Variants in PTPRM observed in about 807,000 individuals in gnomAD.
The protein encoded by PTPRM is receptor-type tyrosine-protein phosphatase mu.
Under a neutral mutation model 186.7 loss-of-function variants are expected in PTPRM, and 47 were observed. The observed-to-expected ratio is 0.25, with a 90% CI of 0.20 to 0.32. The LOEUF is 0.32. Ranked by LOEUF, PTPRM falls within the 10% of genes least tolerant of loss-of-function variation. PTPRM has a pLI of 1.00. For synonymous variants in PTPRM, 668 were observed against 674.9 expected (o/e 0.99, Z 0.16); for missense variants, 1,494 against 1,865.0 (o/e 0.80, Z 3.66).
chr18:7,851,384 AAAACTTATATATGCTGTCATC>A (rs1446625720), intron 2 of PTPRM, among the ~76,000 whole-genome samples: 40 of 152,338 alleles, frequency 2.6e-4, no homozygotes, highest in Non-Finnish European at 4.6e-4. Flanking sequence ...AAACACAAAG[AAAACTTATATATGCTGTCATC>A]AAACTGCTGG....
At chr18:7,691,196 G>A (rs894619306) in intron 1 of PTPRM, among the ~76,000 whole-genome samples, 14 of 152,094 alleles carry the variant, frequency 9.2e-5, no homozygotes, top group African/African-American at 2.4e-4. Flanking sequence ...GTGCTTTTGC[G>A]TTTGGAAATA....
chr18:8,190,427 T>C (rs1390792071), intron 14 of PTPRM, among the ~76,000 whole-genome samples: 1 of 152,238 alleles, frequency 6.6e-6, no homozygotes, highest in East Asian at 1.9e-4. Context: ...TCACCCATAT[T>C]GTCACAAATG....
intron 1 of PTPRM, among the ~76,000 whole-genome samples, chr18:7,732,934 T>C (rs1167404828): frequency 2.0e-5 from 3 of 152,180 alleles, no homozygotes; most frequent in Non-Finnish European, 4.4e-5. Flanking sequence ...TTAGGAATCA[T>C]TGCACTACAA....
chr18:8,165,496 G>A (rs2093309055), intron 14 of PTPRM, among the ~76,000 whole-genome samples: 1 of 152,180 alleles, frequency 6.6e-6, no homozygotes, highest in Non-Finnish European at 1.5e-5. Flanking sequence ...TACTGACAGT[G>A]GTGACAGTGA....
chr18:7,965,132 G>A (rs1246408167), intron 7 of PTPRM, among the ~76,000 whole-genome samples: 1 of 145,286 alleles, frequency 6.9e-6, no homozygotes, highest in Non-Finnish European at 1.5e-5. Flanking sequence ...TGCAACCTCC[G>A]CCTCCCAGTT....
At chr18:8,318,174 G>A (rs117688802) in intron 21 of PTPRM, among the ~76,000 whole-genome samples, 15 of 151,286 alleles carry the variant, frequency 9.9e-5, no homozygotes, top group Non-Finnish European at 1.3e-4. Context: ...AATCTTGGGG[G>A]ACAGAAATAG....
intron 2 of PTPRM, among the ~76,000 whole-genome samples, chr18:7,840,354 A>T (rs1222398939): frequency 3.3e-5 from 5 of 152,206 alleles, no homozygotes; most frequent in Non-Finnish European, 5.9e-5. Flanking sequence ...TATATGTGTG[A>T]TTAGTTGAGA....
intron 5 of PTPRM, among the ~76,000 whole-genome samples, chr18:7,939,893 G>A (rs1013576281): frequency 4.6e-5 from 7 of 152,046 alleles, no homozygotes; most frequent in African/African-American, 1.7e-4. Flanking sequence ...CTGAAAATGG[G>A]GCAAAATGTG....
Position 7,926,562 on chromosome 18 carries a change from A to T in PTPRM, c.548-6A>T, listed in dbSNP as rs1189128897. The T allele has an allele frequency of 6.3e-7, 1 of 1,592,552 alleles. No individual in the cohort carries two copies. Reference sequence around the variant, plus strand: ...TTAATATCTTTCATTCTTTTTCTTTATGTAGCCAGGACTCCTCACTTCCTG... The same window carrying T: ...TTAATATCTTTCATTCTTTTTCTTTTTGTAGCCAGGACTCCTCACTTCCTG... On this transcript the variant is annotated splice_region_variant and splice_polypyrimidine_tract_variant and intron_variant, in intron 4 of 32. Transcript: ENST00000580170.
chr18:8,034,458 G>T (rs1218546528), intron 7 of PTPRM, among the ~76,000 whole-genome samples: 2 of 151,994 alleles, frequency 1.3e-5, no homozygotes, highest in African/African-American at 4.8e-5. Flanking sequence ...CTGTAGACCT[G>T]TGAAACTAAA....
At chr18:8,206,412 C>T (rs1250334570) in intron 14 of PTPRM, among the ~76,000 whole-genome samples, 2 of 152,028 alleles carry the variant, frequency 1.3e-5, no homozygotes, top group Non-Finnish European at 2.9e-5. Flanking sequence ...CCACATCCAG[C>T]TAATTTTTTG....
At chr18:8,134,454 C>G (rs189276146) in intron 13 of PTPRM, among the ~76,000 whole-genome samples, 187 of 152,190 alleles carry the variant, frequency 1.2e-3, no homozygotes, top group African/African-American at 4.3e-3. Context: ...GATAAATGAC[C>G]CTAGTTCCTT....
chr18:8,389,255 G>C lies in PTPRM; in HGVS notation c.4208+2020G>C, dbSNP rs533151525. Among the ~76,000 whole-genome samples the C allele has an allele frequency of 1.0e-3, 156 of 152,290 alleles. 1 individual carries two copies. The highest frequency in any genetic ancestry group is 3.5e-3 in the African/African-American group (145 of 41,566). ...TGCATCGCTCCCCCCGGGATTAGCA[G>C]CTTTCTAAAAAGGGTCAGTGCTTTA... is the stretch of plus-strand genomic sequence containing the variant. On this transcript the variant is annotated intron_variant, in intron 31 of 32. Transcript: ENST00000580170.
At chr18:8,072,559 A>G (rs2089550056) in intron 8 of PTPRM, among the ~76,000 whole-genome samples, 1 of 152,216 alleles carries the variant, frequency 6.6e-6, no homozygotes, top group African/African-American at 2.4e-5. Context: ...GAAGAAAGAA[A>G]TAGAATAATT....
chr18:8,193,592 C>T (rs891444414), intron 14 of PTPRM, among the ~76,000 whole-genome samples: 3 of 152,250 alleles, frequency 2.0e-5, no homozygotes, highest in African/African-American at 7.2e-5. Context: ...GCCTCTCGCG[C>T]AGACTCAGGG....
At chr18:8,015,482 A>G (rs2084802051) in intron 7 of PTPRM, among the ~76,000 whole-genome samples, 1 of 152,216 alleles carries the variant, frequency 6.6e-6, no homozygotes, top group South Asian at 2.1e-4. Flanking sequence ...AATCCAACAA[A>G]GAGAATGTTG....
At chr18:7,898,364 A>G (rs2049479921) in intron 3 of PTPRM, among the ~76,000 whole-genome samples, 1 of 152,156 alleles carries the variant, frequency 6.6e-6, no homozygotes, top group South Asian at 2.1e-4. Context: ...TGGTAAGCAA[A>G]TCCCTTTCTT....
intron 7 of PTPRM, among the ~76,000 whole-genome samples, chr18:7,994,087 A>G (rs2083405032): frequency 6.6e-6 from 1 of 152,148 alleles, no homozygotes; most frequent in African/African-American, 2.4e-5. Flanking sequence ...GACCTCACCT[A>G]TAAAGACATA....
At chr18:8,072,369 A>G (rs2089537665) in intron 8 of PTPRM, among the ~76,000 whole-genome samples, 1 of 152,200 alleles carries the variant, frequency 6.6e-6, no homozygotes, top group Admixed American at 6.5e-5. Context: ...AAACATGAGG[A>G]CAGAATTACT....
Sources: gnomAD v4.1 joint callset for allele counts (sites outside exome capture counted in the v4.1 genomes callset) on GRCh38, gnomAD v4.1.1 for gene constraint, MANE v1.5 for transcripts, NCBI Gene and HGNC (gene_info 2026-07-23, HGNC 2026-07-21) for gene names.